RNF144A: variants seen among roughly 807,000 people sequenced by gnomAD.
RNF144A encodes ring finger protein 144A, also known as E3 ubiquitin-protein ligase RNF144A.
A neutral mutation model predicts 38.7 loss-of-function variants in RNF144A; 11 were observed. The observed-to-expected ratio is 0.28, with a 90% confidence interval of 0.18 to 0.47. The LOEUF (loss-of-function observed/expected upper bound fraction) is 0.47, where lower values mean the gene tolerates loss of function less well. RNF144A is among the 20% of genes least tolerant of loss of function. The pLI is 0.99. For missense variants in RNF144A, 316 were observed against 377.2 expected, an observed-to-expected ratio of 0.84 and a Z score of 1.34; for synonymous variants, 149 against 143.9, an observed-to-expected ratio of 1.04 and a Z score of -0.25.
At chr2:7,049,629 A>G (rs1295632008) in intron 6 of RNF144A, among the ~76,000 whole-genome samples, 1 of 152,232 alleles carries the variant, frequency 6.6e-6, no homozygotes, top group Non-Finnish European at 1.5e-5. Context: ...ACAACTCTTA[A>G]TACATTGTTG....
chr2:6,998,192 C>T (rs1572368290), intron 3 of RNF144A, among the ~76,000 whole-genome samples: 1 of 150,726 alleles, frequency 6.6e-6, no homozygotes, highest in African/African-American at 2.4e-5. Flanking sequence ...AAAGTGTCTT[C>T]TGAATTTAAC....
At chr2:6,976,838 G>A (rs1668347656) in intron 2 of RNF144A, among the ~76,000 whole-genome samples, 2 of 151,848 alleles carry the variant, frequency 1.3e-5, no homozygotes, top group Non-Finnish European at 1.5e-5. Context: ...ATACCAAAAG[G>A]CTATTGGTTA....
chr2:7,012,438 C>T (rs1167053984), intron 3 of RNF144A, among the ~76,000 whole-genome samples: 1 of 152,170 alleles, frequency 6.6e-6, no homozygotes, highest in Non-Finnish European at 1.5e-5. Flanking sequence ...GTTTTATTGT[C>T]AAGGGAGCTG....
chr2:6,996,925 C>A lies in RNF144A; in HGVS notation c.-2C>A. The A allele has an allele frequency of 6.2e-7, 1 of 1,613,468 alleles. No individual in the cohort carries two copies. ...GCTTCTCTCGTTTCAGACTGTTCTG[C>A]GATGACCACAACAAGGTACCGGCCC... On this transcript the variant is annotated 5_prime_UTR_variant, in exon 3 of 9. Transcript: ENST00000320892.
intron 2 of RNF144A, among the ~76,000 whole-genome samples, chr2:6,970,672 C>T (rs79417977): frequency 0.014 from 2,108 of 152,222 alleles, 46 homozygotes; most frequent in African/African-American, 0.048. Flanking sequence ...AGGAACTTGC[C>T]CAGGTCCCTT....
At chr2:7,018,411 A>C (rs1326553768) in intron 5 of RNF144A, among the ~76,000 whole-genome samples, 1 of 152,250 alleles carries the variant, frequency 6.6e-6, no homozygotes, top group Non-Finnish European at 1.5e-5. Flanking sequence ...GGGCAGGCAG[A>C]GAGTTGTCGG....
At chr2:6,937,567 T>C (rs946454226) in intron 1 of RNF144A, among the ~76,000 whole-genome samples, 1 of 152,240 alleles carries the variant, frequency 6.6e-6, no homozygotes, top group African/African-American at 2.4e-5. Context: ...GCAGAAGCTG[T>C]AGTAAAAGAC....
intron 1 of RNF144A, among the ~76,000 whole-genome samples, chr2:6,928,763 T>A (rs1356950872): frequency 6.6e-6 from 1 of 152,234 alleles, no homozygotes; most frequent in Non-Finnish European, 1.5e-5. Context: ...AGGCCTCCTA[T>A]CACCTGACAC....
chr2:7,057,561 T>C (rs1673788340), intron 6 of RNF144A, among the ~76,000 whole-genome samples: 1 of 152,216 alleles, frequency 6.6e-6, no homozygotes, highest in Non-Finnish European at 1.5e-5. Flanking sequence ...TTGCCAAATA[T>C]TAAAGTAACT....
chr2:7,014,839 A>T (rs1167238889), intron 5 of RNF144A, 67 bp downstream of exon 5: 35 of 1,184,310 alleles, frequency 3.0e-5, no homozygotes, highest in Non-Finnish European at 2.5e-6. Context: ...TTTTGTGGGG[A>T]GTTCTTTTGG....
chr2:6,961,043 G>A (rs560732109), intron 2 of RNF144A, among the ~76,000 whole-genome samples: 4 of 152,126 alleles, frequency 2.6e-5, no homozygotes, highest in South Asian at 2.1e-4. Context: ...GAAATGCAAC[G>A]TGGTCCTCTG....
At chr2:6,942,007 A>G (rs1666025408) in intron 2 of RNF144A, among the ~76,000 whole-genome samples, 1 of 152,260 alleles carries the variant, frequency 6.6e-6, no homozygotes, top group Admixed American at 6.5e-5. Context: ...TAAGCAGAGA[A>G]GCAGGGTCTA....
chr2:7,008,341 G>A (rs956666848), intron 3 of RNF144A, among the ~76,000 whole-genome samples: 3 of 152,234 alleles, frequency 2.0e-5, no homozygotes, highest in African/African-American at 7.2e-5. Context: ...AGGCCCGGCT[G>A]CAGGTTGTGC....
At position 6,957,381 on chromosome 2, in the gene RNF144A, A is replaced by G. The variant is rs1162740197; in HGVS notation, c.-12+16234A>G. On this transcript the variant is annotated intron_variant, in intron 2 of 8. Transcript: ENST00000320892. ...AATGAAGGAACTGTATTTTAAAACA[A>G]TTCCCTTTTGTGTTATATTTGTGCA... Among the ~76,000 whole-genome samples, 6 of 152,326 alleles carry G rather than the reference A, an allele frequency of 3.9e-5. No homozygotes were observed. In the South Asian group the frequency reaches 6.2e-4, roughly 16 times the overall value.
intron 2 of RNF144A, among the ~76,000 whole-genome samples, chr2:6,988,646 G>A (rs902253141): frequency 7.9e-5 from 12 of 152,156 alleles, no homozygotes; most frequent in Admixed American, 2.6e-4. Flanking sequence ...CCCCGATGCC[G>A]TCGGGGTCAC....
At chr2:7,049,331 ATAAC>A (rs887085088) in intron 6 of RNF144A, among the ~76,000 whole-genome samples, 29 of 152,232 alleles carry the variant, frequency 1.9e-4, no homozygotes, top group African/African-American at 7.0e-4. Context: ...TGCTTCCAAA[ATAAC>A]TAAGTCCAGG....
intron 6 of RNF144A, among the ~76,000 whole-genome samples, chr2:7,050,439 G>T (rs968290359): frequency 6.6e-6 from 1 of 152,142 alleles, no homozygotes; most frequent in Non-Finnish European, 1.5e-5. Flanking sequence ...CCTTATAAAT[G>T]CCTCAGCCTT....
intron 8 of RNF144A, among the ~76,000 whole-genome samples, chr2:7,035,904 C>G (rs555774353): frequency 6.6e-6 from 1 of 152,192 alleles, no homozygotes; most frequent in East Asian, 1.9e-4. Flanking sequence ...AGTTATTGTA[C>G]AGTTTGTTTC....
At chr2:7,023,694 C>T (rs1671684973) in intron 6 of RNF144A, among the ~76,000 whole-genome samples, 1 of 152,220 alleles carries the variant, frequency 6.6e-6, no homozygotes, top group Admixed American at 6.5e-5. Flanking sequence ...TTCATAAAAG[C>T]TGCACCCTGC....
Sources: allele counts gnomAD v4.1 joint callset (sites outside exome capture counted in the v4.1 genomes callset), GRCh38; gene constraint gnomAD v4.1.1; transcripts MANE v1.5; gene names NCBI Gene and HGNC (gene_info 2026-07-23, HGNC 2026-07-21).